NRXN3: variants seen among roughly 807,000 people sequenced by gnomAD.
The protein encoded by NRXN3 is neurexin III.
In NRXN3, 32 loss-of-function variants were observed where a neutral mutation model predicts 137.6. The observed-to-expected ratio is 0.23, with a 90% CI of 0.18 to 0.31. The LOEUF (loss-of-function observed/expected upper bound fraction) is 0.31, where lower values mean the gene tolerates loss of function less well. Ranked by LOEUF, NRXN3 falls within the 10% of genes least tolerant of loss-of-function variation. NRXN3 has a pLI of 1.00. For synonymous variants in NRXN3, 798 were observed against 784.5 expected, an observed-to-expected ratio of 1.02 and a Z score of -0.29; for missense variants, 1,574 against 2,062.5, an observed-to-expected ratio of 0.76 and a Z score of 4.59.
intron 15 of NRXN3, among the ~76,000 whole-genome samples, chr14:78,997,706 T>A (rs987931434): frequency 1.3e-5 from 2 of 152,220 alleles, no homozygotes; most frequent in African/African-American, 2.4e-5. Context: ...AGATCTTACA[T>A]GCATTATCAC....
At chr14:79,741,257 T>C (rs1374654816) in intron 19 of NRXN3, among the ~76,000 whole-genome samples, 1 of 152,186 alleles carries the variant, frequency 6.6e-6, no homozygotes, top group Non-Finnish European at 1.5e-5. Context: ...CAGTGACATG[T>C]TGCTTTGAAT....
At chr14:79,477,591 G>A (rs532356225) in intron 16 of NRXN3, among the ~76,000 whole-genome samples, 9 of 152,166 alleles carry the variant, frequency 5.9e-5, no homozygotes, top group South Asian at 2.1e-4. Flanking sequence ...ACCAATGATC[G>A]ATTGTTTCTG....
intron 1 of NRXN3, among the ~76,000 whole-genome samples, chr14:78,222,675 AC>A (rs1379624899): frequency 1.3e-5 from 2 of 152,146 alleles, no homozygotes; most frequent in Admixed American, 1.3e-4. Flanking sequence ...TTAAATGGAG[AC>A]ACAGTGATAG....
intron 4 of NRXN3, chr14:78,615,075 T>C (rs980967592): frequency 2.2e-5 from 10 of 456,684 alleles, no homozygotes; most frequent in Non-Finnish European, 4.4e-5. Context: ...TTAGGCTAAT[T>C]GTCCCTTACA....
intron 4 of NRXN3, among the ~76,000 whole-genome samples, chr14:78,517,501 C>T (rs756673349): frequency 6.6e-6 from 1 of 152,136 alleles, no homozygotes; most frequent in Non-Finnish European, 1.5e-5. Flanking sequence ...ATGAAACAGA[C>T]TCCCTATGCT....
At position 79,476,606 on chromosome 14, in the gene NRXN3, A is replaced by G. The variant is rs367881167; in HGVS notation, c.3444+9204A>G. On this transcript the variant is annotated intron_variant, in intron 16 of 20. Transcript: ENST00000335750. ...TTAATGACATAGATTATTACTTCCT[A>G]CATTTACTCGGGAGCATGTGTTTCA... 3.7e-4 allele frequency among the ~76,000 whole-genome samples: 56 copies of G among 152,256 alleles called. 1 individual carries two copies. In the East Asian group the frequency reaches 7.9e-3, roughly 22 times the overall value.
chr14:79,617,152 T>A (rs568877605), intron 16 of NRXN3, among the ~76,000 whole-genome samples: 9 of 152,244 alleles, frequency 5.9e-5, no homozygotes, highest in African/African-American at 1.9e-4. Flanking sequence ...CAGGAATTGC[T>A]CTCTGCTAAA....
At chr14:79,045,628 G>T (rs1309288684) in intron 15 of NRXN3, among the ~76,000 whole-genome samples, 1 of 152,152 alleles carries the variant, frequency 6.6e-6, no homozygotes. Context: ...TTTTTATTCT[G>T]TGATCCATGT....
chr14:79,164,089 C>T (rs1011630867), intron 15 of NRXN3, among the ~76,000 whole-genome samples: 1 of 151,914 alleles, frequency 6.6e-6, no homozygotes, highest in African/African-American at 2.4e-5. Context: ...TCATCTTCTC[C>T]TTAATAACCT....
chr14:78,851,426 G>A (rs1295486383), intron 10 of NRXN3, among the ~76,000 whole-genome samples: 2 of 152,216 alleles, frequency 1.3e-5, no homozygotes, highest in African/African-American at 4.8e-5. Flanking sequence ...TGCATCACTC[G>A]TAAAGGCTGT....
chr14:78,946,989 G>A (rs191207755), intron 10 of NRXN3, among the ~76,000 whole-genome samples: 7 of 152,218 alleles, frequency 4.6e-5, no homozygotes, highest in East Asian at 1.9e-4. Context: ...CCAGGGAGAC[G>A]AAGAGCTATA....
rs777752581 is a variant in NRXN3, at chr14:78,645,429, C to G, written c.1059+8C>G. Reference sequence around the variant, plus strand: ...ACACGCAACCTCCGGCAGGTAATGGCTGAGGGGAGAGAATTCCTGGAAGGC... The same window carrying G: ...ACACGCAACCTCCGGCAGGTAATGGGTGAGGGGAGAGAATTCCTGGAAGGC... On this transcript the variant is annotated splice_region_variant and intron_variant, in intron 5 of 20. Coordinates refer to ENST00000335750, the MANE Select transcript of NRXN3 (RefSeq NM_001330195.2). The G allele has an allele frequency of 2.6e-6, 4 of 1,563,106 alleles. No homozygotes were observed. The highest frequency in any genetic ancestry group is 1.8e-5 in the Admixed American group (1 of 56,902).
chr14:78,406,769 G>A (rs1237839339), intron 4 of NRXN3, among the ~76,000 whole-genome samples: 7 of 152,154 alleles, frequency 4.6e-5, no homozygotes, highest in Non-Finnish European at 7.4e-5. Context: ...TGCTGATAGC[G>A]TCCTCCTAGA....
chr14:78,603,730 T>C (rs1349904128), intron 4 of NRXN3, among the ~76,000 whole-genome samples: 1 of 152,180 alleles, frequency 6.6e-6, no homozygotes. Flanking sequence ...GACCTCTCCT[T>C]GCCTGCTGGG....
At chr14:79,393,832 A>G (rs575895926) in intron 15 of NRXN3, among the ~76,000 whole-genome samples, 9 of 151,920 alleles carry the variant, frequency 5.9e-5, no homozygotes, top group Admixed American at 1.3e-4. Flanking sequence ...AAAAACAAAA[A>G]CAAAAGTTAT....
intron 15 of NRXN3, among the ~76,000 whole-genome samples, chr14:79,007,298 G>A (rs530051233): frequency 1.3e-5 from 2 of 152,184 alleles, no homozygotes; most frequent in African/African-American, 2.4e-5. Context: ...ATTAAAACAC[G>A]TAGCTCCACT....
At chr14:78,820,074 C>T (rs1032242866) in intron 10 of NRXN3, among the ~76,000 whole-genome samples, 5 of 152,050 alleles carry the variant, frequency 3.3e-5, no homozygotes, top group East Asian at 1.9e-4. Context: ...ATCTTTTAAC[C>T]GTTTGACCTC....
At chr14:78,832,711 T>C (rs954575169) in intron 10 of NRXN3, among the ~76,000 whole-genome samples, 1 of 152,166 alleles carries the variant, frequency 6.6e-6, no homozygotes, top group African/African-American at 2.4e-5. Context: ...CAAAAACAAA[T>C]GGAACTCAGC....
intron 18 of NRXN3, among the ~76,000 whole-genome samples, chr14:79,695,761 A>G (rs1056265214): frequency 6.6e-6 from 1 of 152,004 alleles, no homozygotes; most frequent in Admixed American, 6.6e-5. Flanking sequence ...GACAGAGGAC[A>G]AAATACAGAC....
Sources: gnomAD v4.1 joint callset for allele counts (sites outside exome capture counted in the v4.1 genomes callset) on GRCh38, gnomAD v4.1.1 for gene constraint, MANE v1.5 for transcripts, NCBI Gene and HGNC (gene_info 2026-07-23, HGNC 2026-07-21) for gene names.